The following ATOH8 variants were observed in gnomAD, a reference collection of about 807,000 sequenced individuals.
ATOH8 encodes atonal bHLH transcription factor 8, also known as transcription factor ATOH8.
Under a neutral mutation model 21.2 loss-of-function variants are expected in ATOH8, and 9 were observed. That is an observed-to-expected ratio of 0.42 (90% CI 0.26 to 0.74). The LOEUF (loss-of-function observed/expected upper bound fraction) is 0.74, where lower values mean the gene tolerates loss of function less well. Among genes scored for constraint, ATOH8 ranks in the 30% least tolerant of loss-of-function variants. ATOH8 has a pLI of 0.24. For synonymous variants in ATOH8, 253 were observed against 224.0 expected (o/e 1.13, Z -1.16); for missense variants, 524 against 470.9 (o/e 1.11, Z -1.04).
chr2:85,767,849 C>T (rs943949999), intron 2 of ATOH8, among the ~76,000 whole-genome samples: 1 of 152,158 alleles, frequency 6.6e-6, no homozygotes, highest in Non-Finnish European at 1.5e-5. Context: ...GGAGAGATTG[C>T]CCAGAGTCCT....
In ATOH8 at chr2:85,754,720, C is replaced by A. The variant is rs941439346; in HGVS notation, c.531C>A (p.Ser177=). ...CAGCACCGCCAGCGCCCCCGGAGTCCACTGTGCGCCCTGCGCCCCCGACGC... is the reference window on the plus strand; with the variant it reads ...CAGCACCGCCAGCGCCCCCGGAGTCAACTGTGCGCCCTGCGCCCCCGACGC... ...APPAPPAPPE[S]TVRPAPPTRP... is the part of the protein sequence containing the mutation. Residue 177 remains serine (S), a synonymous_variant, in exon 1 of 3, where the codon TCC becomes TCA. Transcript: ENST00000306279. The A allele has an allele frequency of 6.2e-7, 1 of 1,611,838 alleles. No individual in the cohort carries two copies. Among genetic ancestry groups the A allele is most frequent in the Non-Finnish European group, 8.5e-7 (1 of 1,179,472 alleles).
At chr2:85,784,905 T>G (rs1485243883) in intron 2 of ATOH8, among the ~76,000 whole-genome samples, 1 of 152,226 alleles carries the variant, frequency 6.6e-6, no homozygotes, top group Non-Finnish European at 1.5e-5. Context: ...CTTGGATGGA[T>G]GATGTATGTG....
In ATOH8 at chr2:85,766,250, G is replaced by A. The variant is rs1391158893; in HGVS notation, c.960+2068G>A. On this transcript the variant is annotated intron_variant, in intron 2 of 2. Coordinates refer to ENST00000306279, the MANE Select transcript of ATOH8 (RefSeq NM_032827.7). This position sits in a 1 kb window ranked among gnomAD's most constrained non-coding sequence, Gnocchi z 4.0. ...GGCTTATCCTATGGGGCTTACTTAT[G>A]TGGTGAAATTGCCCTGGAGAGGGAT... 6.6e-6 allele frequency among the ~76,000 whole-genome samples: 1 copy of A among 152,130 alleles called. No individual in the cohort carries two copies. The highest frequency in any genetic ancestry group is 2.4e-5 in the African/African-American group (1 of 41,436).
intron 2 of ATOH8, among the ~76,000 whole-genome samples, chr2:85,784,555 C>T (rs1680575705): frequency 6.6e-6 from 1 of 151,918 alleles, no homozygotes. Flanking sequence ...AAAAAAAAGT[C>T]AGTTGGGAAA....
chr2:85,788,769 G>A lies in ATOH8; in HGVS notation c.*1879G>A, dbSNP rs1428359178. 6.6e-6 allele frequency among the ~76,000 whole-genome samples: 1 copy of A among 152,208 alleles called. No homozygotes were observed. Among genetic ancestry groups the A allele is most frequent in the African/African-American group, 2.4e-5 (1 of 41,444 alleles). ...CTCCTGGGCTGGGCTGGGGCTGGCT[G>A]CAGGGAGCCCCCCTTGCAGTAGCGT... On this transcript the variant is annotated 3_prime_UTR_variant, in exon 3 of 3. Coordinates refer to ENST00000306279, the MANE Select transcript of ATOH8 (RefSeq NM_032827.7).
intron 2 of ATOH8, among the ~76,000 whole-genome samples, 197 bp downstream of exon 2, chr2:85,764,379 C>T (rs1040946326): frequency 1.2e-4 from 19 of 152,316 alleles, no homozygotes; most frequent in South Asian, 2.1e-4. Context: ...TTCTGGTAAC[C>T]GGCTGCTGGG....
rs1165631157 is a variant in ATOH8, at chr2:85,754,856, G to A, written c.667G>A (p.Glu223Lys). 1.9e-6 allele frequency: 3 copies of A among 1,612,346 alleles called. No homozygotes were observed. Among genetic ancestry groups the A allele is most frequent in the Non-Finnish European group, 2.5e-6 (3 of 1,179,886 alleles). ...GGGCGAAGCGACTGCCGCCTCCTCCGAGATCAAAGCCCTGCAGCAGACCCG... is the reference window on the plus strand; with the variant it reads ...GGGCGAAGCGACTGCCGCCTCCTCCAAGATCAAAGCCCTGCAGCAGACCCG... ...RPGEATAASS[E>K]IKALQQTRRL... is the part of the protein sequence containing the mutation. Residue 223 changes from glutamate to lysine, a missense_variant, in exon 1 of 3, where the codon GAG becomes AAG. Glu to Lys is a moderately conservative substitution (Grantham distance 56). Transcript: ENST00000306279.
In ATOH8 at chr2:85,786,943, C is replaced by T. The variant is rs1482352724; in HGVS notation, c.*53C>T. 4 of 1,613,560 alleles carry T rather than the reference C, an allele frequency of 2.5e-6. No homozygotes were observed. The African/African-American group carries it at 4.0e-5, about 16-fold the overall frequency. On this transcript the variant is annotated 3_prime_UTR_variant, in exon 3 of 3. Coordinates refer to ENST00000306279, the MANE Select transcript of ATOH8 (RefSeq NM_032827.7). Reference sequence around the variant, plus strand: ...ACTGTGGGCCCTCCTTCCAGTCAGGCCTGAGGACAAGGTGAGCTCGCTGAG... The same window carrying T: ...ACTGTGGGCCCTCCTTCCAGTCAGGTCTGAGGACAAGGTGAGCTCGCTGAG...
At chr2:85,784,386 TA>T (rs1680572188) in intron 2 of ATOH8, among the ~76,000 whole-genome samples, 1 of 151,668 alleles carries the variant, frequency 6.6e-6, no homozygotes, top group Non-Finnish European at 1.5e-5. Flanking sequence ...AAAAATAAAA[TA>T]AAAAATTAGC....
At position 85,754,503 on chromosome 2, in the gene ATOH8, C is replaced by T; in HGVS notation, c.314C>T (p.Ser105Phe). The change falls in exon 1 of 3, where the codon TCC becomes TTC. Residue 105 changes from serine to phenylalanine, a missense_variant. Transcript: ENST00000306279. ...ERGGSRAPEV[S>F]DARKRCFALG... ...GGGGGCTCTCGGGCGCCCGAGGTCTCCGACGCGCGGAAACGCTGCTTCGCC... is the reference window on the plus strand; with the variant it reads ...GGGGGCTCTCGGGCGCCCGAGGTCTTCGACGCGCGGAAACGCTGCTTCGCC... 7.0e-7 allele frequency: 1 copy of T among 1,431,462 alleles called. No individual in the cohort carries two copies. The highest frequency in any genetic ancestry group is 9.1e-7 in the Non-Finnish European group (1 of 1,102,262). The allele number at this position is 1,431,462 out of a possible 1,614,324, so 88.7% of individuals were successfully genotyped here.
At chr2:85,768,511 G>C (rs909200037) in intron 2 of ATOH8, among the ~76,000 whole-genome samples, 1 of 152,196 alleles carries the variant, frequency 6.6e-6, no homozygotes, top group Non-Finnish European at 1.5e-5. Flanking sequence ...AGTGGTCATC[G>C]CTGGTGTGAT....
rs963551289 is a variant in ATOH8, at chr2:85,754,230, C to T, written c.41C>T (p.Thr14Ile). 1 of 1,607,722 alleles carries T rather than the reference C, an allele frequency of 6.2e-7. No homozygotes were observed. The highest frequency in any genetic ancestry group is 1.4e-5 in the African/African-American group (1 of 73,800). Residue 14 changes from threonine (T) to isoleucine (I), a missense_variant, in exon 1 of 3, where the codon ACC (threonine) becomes ATC (isoleucine). Coordinates refer to ENST00000306279, the MANE Select transcript of ATOH8 (RefSeq NM_032827.7). ...GTCCTCGAGGACGGGCCGTGGAAGA[C>T]CGTGTGCGTGAAGGAGCTGAACGGC... is the stretch of plus-strand genomic sequence containing the variant. ...IPVLEDGPWK[T>I]VCVKELNGLK... is the part of the protein sequence containing the mutation.
At chr2:85,762,367 C>T (rs1410167563) in intron 1 of ATOH8, among the ~76,000 whole-genome samples, 1 of 152,168 alleles carries the variant, frequency 6.6e-6, no homozygotes, top group Non-Finnish European at 1.5e-5. Flanking sequence ...GGTGTTTGAG[C>T]CCAGTTCAAA....
At chr2:85,776,145 G>A (rs993847279) in intron 2 of ATOH8, among the ~76,000 whole-genome samples, 1 of 152,220 alleles carries the variant, frequency 6.6e-6, no homozygotes, top group African/African-American at 2.4e-5. Flanking sequence ...GAGATGAGGC[G>A]AAGTCGCCCA....
chr2:85,775,112 T>C, intron 2 of ATOH8: 1 of 934,132 alleles, frequency 1.1e-6, no homozygotes, highest in Non-Finnish European at 1.3e-6. Context: ...TTATATTATA[T>C]TTTTAGGTGG....
rs1680032131 is a variant in ATOH8, at chr2:85,766,911, G to C, written c.960+2729G>C. On this transcript the variant is annotated intron_variant, in intron 2 of 2. Transcript: ENST00000306279. This position sits in a 1 kb window ranked among gnomAD's most constrained non-coding sequence, Gnocchi z 4.0. ...TGGCCCCACACTGAAGCCCAGCATAGCTGGCCTTAGCTGGTCCCCTCGGCA... is the reference window on the plus strand; with the variant it reads ...TGGCCCCACACTGAAGCCCAGCATACCTGGCCTTAGCTGGTCCCCTCGGCA... Among the ~76,000 whole-genome samples the C allele has an allele frequency of 1.3e-5, 2 of 152,270 alleles. No homozygotes were observed. The highest frequency in any genetic ancestry group is 4.1e-4 in the South Asian group (2 of 4,828).
intron 1 of ATOH8, 26 bp from the exon 2 acceptor site, chr2:85,763,965 C>T: frequency 6.2e-7 from 1 of 1,607,366 alleles, no homozygotes; most frequent in Admixed American, 1.7e-5. Context: ...GCCCCTGCAG[C>T]CCCTCCTGAC....
rs1268593761 is a variant in ATOH8 at position 85,754,077 on chromosome 2, G to C, written c.-113G>C. Reference sequence around the variant, plus strand: ...AGCTGCCCGGGGCGAGGGGGAGAAAGGGAGAGAGGGAGGGGGAGGGCGGGC... The same window carrying C: ...AGCTGCCCGGGGCGAGGGGGAGAAACGGAGAGAGGGAGGGGGAGGGCGGGC... On this transcript the variant is annotated 5_prime_UTR_variant, in exon 1 of 3. Transcript: ENST00000306279. 2 of 1,274,704 alleles carry C rather than the reference G, an allele frequency of 1.6e-6. No individual in the cohort carries two copies. Among genetic ancestry groups the C allele is most frequent in the Non-Finnish European group, 2.0e-6 (2 of 981,568 alleles). The allele number at this position is 1,274,704 out of a possible 1,614,324, so 79.0% of individuals were successfully genotyped here.
At chr2:85,775,509 C>A (rs962453968) in intron 2 of ATOH8, among the ~76,000 whole-genome samples, 1 of 152,228 alleles carries the variant, frequency 6.6e-6, no homozygotes. Flanking sequence ...CTTAAACTAA[C>A]AGGGGCTGGC....
Sources: gnomAD v4.1 joint callset for allele counts (sites outside exome capture counted in the v4.1 genomes callset) on GRCh38, gnomAD v4.1.1 for gene constraint, Gnocchi (gnomAD v3.1) non-coding constraint, MANE v1.5 for transcripts, NCBI Gene and HGNC (gene_info 2026-07-23, HGNC 2026-07-21) for gene names.